Variants in ZNF385D observed in about 807,000 individuals in gnomAD.
The protein encoded by ZNF385D is zinc finger protein 385D.
Under a neutral mutation model 35.8 loss-of-function variants are expected in ZNF385D, and 15 were observed. The observed-to-expected ratio is 0.42, with a 90% CI of 0.28 to 0.64. ZNF385D has a LOEUF of 0.64. ZNF385D is among the 30% of genes least tolerant of loss of function. The pLI, the probability that ZNF385D is intolerant of heterozygous loss-of-function variation, is 0.23. For missense variants in ZNF385D, 474 were observed against 494.6 expected (o/e 0.96, Z 0.39); for synonymous variants, 212 against 186.8 (o/e 1.13, Z -1.10).
At chr3:21,656,851 T>C (rs550101181) in intron 2 of ZNF385D, among the ~76,000 whole-genome samples, 135 of 152,054 alleles carry the variant, frequency 8.9e-4, no homozygotes, top group African/African-American at 3.1e-3. Context: ...AACATGTCTA[T>C]GTCTAAGTGT....
At chr3:21,917,455 C>T (rs1700244489) in intron 3 of ZNF385D, among the ~76,000 whole-genome samples, 1 of 152,030 alleles carries the variant, frequency 6.6e-6, no homozygotes, top group Non-Finnish European at 1.5e-5. Flanking sequence ...TAAGGGTCTA[C>T]CATTTCTAGA....
At chr3:21,688,673 A>G (rs1186315622) in intron 1 of ZNF385D, among the ~76,000 whole-genome samples, 2 of 152,176 alleles carry the variant, frequency 1.3e-5, no homozygotes, top group Admixed American at 6.5e-5. Flanking sequence ...TCCATAAACT[A>G]TTGCTGTCTG....
intron 3 of ZNF385D, among the ~76,000 whole-genome samples, chr3:21,814,324 G>A (rs1001172980): frequency 6.6e-6 from 1 of 152,144 alleles, no homozygotes; most frequent in Non-Finnish European, 1.5e-5. Context: ...ACATCATAAT[G>A]ATAGGATCAA....
chr3:22,166,979 A>G (rs1221257497), intron 3 of ZNF385D, among the ~76,000 whole-genome samples: 1 of 152,230 alleles, frequency 6.6e-6, no homozygotes, highest in Non-Finnish European at 1.5e-5. Context: ...ATTTTTCTTA[A>G]GAAGTCTAAG....
intron 3 of ZNF385D, among the ~76,000 whole-genome samples, chr3:22,062,791 G>A (rs1299225970): frequency 6.6e-6 from 1 of 152,180 alleles, no homozygotes; most frequent in Non-Finnish European, 1.5e-5. Context: ...GATGCCAGCT[G>A]CCATGCAGTG....
intron 2 of ZNF385D, chr3:21,579,869 A>C (rs145223976): frequency 1.3e-5 from 2 of 151,278 alleles, no homozygotes; most frequent in Non-Finnish European, 2.9e-5. Flanking sequence ...TCGGTGCCCA[A>C]ATTTCTCCTT....
At position 22,148,447 on chromosome 3, in the gene ZNF385D, A is replaced by G. The variant is rs371166866; in HGVS notation, c.325+20370T>C. 9.2e-5 allele frequency among the ~76,000 whole-genome samples: 14 copies of G among 152,322 alleles called. 2 individuals are homozygous for G. Among genetic ancestry groups the G allele is most frequent in the East Asian group, 5.8e-4 (3 of 5,188 alleles). ...GACCATATTTTTAATCCATTCATGGAAAACCTGTGAAACTACTGAAGGATG... is the reference window on the plus strand; with the variant it reads ...GACCATATTTTTAATCCATTCATGGGAAACCTGTGAAACTACTGAAGGATG... On this transcript the variant is annotated intron_variant, in intron 3 of 5. Transcript: ENST00000494108.
chr3:21,703,053 C>T (rs1049294320), intron 1 of ZNF385D, among the ~76,000 whole-genome samples: 3 of 152,178 alleles, frequency 2.0e-5, no homozygotes, highest in Non-Finnish European at 2.9e-5. Context: ...ATATTTTCAG[C>T]AACGTCTCAC....
chr3:22,118,949 A>T (rs1250568256), intron 3 of ZNF385D, among the ~76,000 whole-genome samples: 1 of 152,168 alleles, frequency 6.6e-6, no homozygotes, highest in Non-Finnish European at 1.5e-5. Context: ...AAAAATTTTT[A>T]GTTTTTAACA....
intron 3 of ZNF385D, among the ~76,000 whole-genome samples, chr3:21,541,492 A>T (rs1323863473): frequency 6.6e-6 from 1 of 152,200 alleles, no homozygotes; most frequent in Non-Finnish European, 1.5e-5. Context: ...CTCAGTAAAA[A>T]TTAGACAACA....
chr3:21,959,491 T>C (rs1425703118), intron 3 of ZNF385D, among the ~76,000 whole-genome samples: 4 of 152,128 alleles, frequency 2.6e-5, no homozygotes, highest in African/African-American at 7.2e-5. Flanking sequence ...TTGAAGGCAA[T>C]CAACACATTC....
chr3:21,466,820 A>G (rs540114518), intron 4 of ZNF385D, among the ~76,000 whole-genome samples: 2 of 152,344 alleles, frequency 1.3e-5, no homozygotes, highest in South Asian at 2.1e-4. Flanking sequence ...AGGTAACTAA[A>G]GAAAAATTCA....
At chr3:21,709,836 C>T (rs2068036242) in intron 1 of ZNF385D, among the ~76,000 whole-genome samples, 1 of 152,200 alleles carries the variant, frequency 6.6e-6, no homozygotes, top group South Asian at 2.1e-4. Context: ...TTACGAAAAA[C>T]CTATTTGAAG....
intron 3 of ZNF385D, among the ~76,000 whole-genome samples, chr3:22,057,689 T>G (rs1156929499): frequency 6.6e-6 from 1 of 152,004 alleles, no homozygotes; most frequent in Non-Finnish European, 1.5e-5. Context: ...AATTTTCTTA[T>G]TTTTCCTAGA....
At chr3:21,770,332 C>A (rs758878120) in intron 3 of ZNF385D, among the ~76,000 whole-genome samples, 2 of 152,066 alleles carry the variant, frequency 1.3e-5, no homozygotes, top group Non-Finnish European at 2.9e-5. Flanking sequence ...TTGTTGTAAT[C>A]AACTCATCTG....
chr3:22,092,847 A>G (rs1701403672), intron 3 of ZNF385D, among the ~76,000 whole-genome samples: 1 of 152,164 alleles, frequency 6.6e-6, no homozygotes, highest in Non-Finnish European at 1.5e-5. Context: ...TACTAACATT[A>G]AGGTCTGATT....
chr3:21,962,610 A>C (rs999284878), intron 3 of ZNF385D, among the ~76,000 whole-genome samples: 4 of 152,224 alleles, frequency 2.6e-5, no homozygotes, highest in Admixed American at 2.0e-4. Context: ...GATGGAATGC[A>C]GCAGTTCAGC....
intron 3 of ZNF385D, among the ~76,000 whole-genome samples, chr3:21,861,752 G>C (rs1167098483): frequency 6.6e-6 from 1 of 152,086 alleles, no homozygotes; most frequent in Non-Finnish European, 1.5e-5. Flanking sequence ...TTTGGAGATG[G>C]AATCTGCTTT....
chr3:22,284,565 A>T (rs1186833313), intron 2 of ZNF385D, among the ~76,000 whole-genome samples: 2 of 152,014 alleles, frequency 1.3e-5, no homozygotes, highest in African/African-American at 4.8e-5. Flanking sequence ...GGTGGACCAC[A>T]GAGAAGAGTA....
Sources: allele counts gnomAD v4.1 joint callset (sites outside exome capture counted in the v4.1 genomes callset), GRCh38; gene constraint gnomAD v4.1.1; transcripts MANE v1.5; gene names NCBI Gene and HGNC (gene_info 2026-07-23, HGNC 2026-07-21).